Variants in MGAT5B observed in about 807,000 individuals in gnomAD.
MGAT5B encodes N-acetylglucosaminyl-transferase Vb.
MGAT5B carries 54 observed loss-of-function variants against 95.1 expected under a neutral mutation model. The ratio of observed to expected loss-of-function variants is 0.57; its 90% CI spans 0.46 to 0.71. The LOEUF (loss-of-function observed/expected upper bound fraction) is 0.71, where lower values mean the gene tolerates loss of function less well. MGAT5B is among the 30% of genes least tolerant of loss of function. MGAT5B has a pLI of 0.00. For missense variants in MGAT5B, 935 were observed against 1,088.6 expected (o/e 0.86, Z 1.99); for synonymous variants, 464 against 451.0 (o/e 1.03, Z -0.36).
rs1389785473 is a variant in MGAT5B, at chr17:76,869,096, C to A, written c.67C>A (p.Arg23=). 2 of 1,613,850 alleles carry A rather than the reference C, an allele frequency of 1.2e-6. No individual in the cohort carries two copies. Among genetic ancestry groups the A allele is most frequent in the Middle Eastern group, 1.6e-4 (1 of 6,084 alleles). ...RRCLVTLRPF[R]LFVLGIGFFT... ...ATGCCTGGTCACCCTGAGACCCTTT[C>A]GGTAAAGTTCCCTCCTGGTTGGTTT... Residue 23 remains arginine (R), a splice_region_variant and synonymous_variant, in exon 1 of 18, where the codon CGG becomes AGG. Coordinates refer to ENST00000569840, the MANE Select transcript of MGAT5B (RefSeq NM_001199172.2). The surrounding 1 kb of genome is among the most constrained non-coding windows in gnomAD (Gnocchi z 7.0).
At chr17:76,924,611 G>A (rs56958167) in intron 8 of MGAT5B, among the ~76,000 whole-genome samples, 2,487 of 152,274 alleles carry the variant, frequency 0.016, 60 homozygotes, top group African/African-American at 0.052. Context: ...GAGGACTGCC[G>A]CCAGCATCCA....
In MGAT5B at chr17:76,905,452, G is replaced by A; in HGVS notation, c.855+119G>A. ...AGTGGGCTTCTGAATTTGATCAGAG[G>A]GAGAGAGGGGTAGGGATGGCAGAGT... On this transcript the variant is annotated intron_variant, in intron 7 of 17. Coordinates refer to ENST00000569840, the MANE Select transcript of MGAT5B (RefSeq NM_001199172.2). The surrounding 1 kb of genome is among the most constrained non-coding windows in gnomAD (Gnocchi z 4.2). 1.1e-6 allele frequency: 1 copy of A among 934,676 alleles called. No homozygotes were observed. The highest frequency in any genetic ancestry group is 1.5e-6 in the Non-Finnish European group (1 of 650,544). The allele number at this position is 934,676 out of a possible 1,614,324, so 57.9% of individuals were successfully genotyped here.
In MGAT5B at chr17:76,937,929, A is replaced by G. The variant is rs1345811300; in HGVS notation, c.1429-59A>G. ...CTTCCAGACCAAAGGGATCTCCTCC[A>G]TGGACTTTGCCTTCTGTGGTTTGCA... On this transcript the variant is annotated intron_variant, in intron 12 of 17. Transcript: ENST00000569840. 5.6e-6 allele frequency: 9 copies of G among 1,594,782 alleles called. No individual in the cohort carries two copies. In the East Asian group the frequency reaches 1.6e-4, roughly 28 times the overall value.
chr17:76,940,646 A>G lies in MGAT5B; in HGVS notation c.1732-86A>G. 6 of 1,588,952 alleles carry G rather than the reference A, an allele frequency of 3.8e-6. No individual in the cohort carries two copies. Among genetic ancestry groups the G allele is most frequent in the Non-Finnish European group, 5.2e-6 (6 of 1,163,866 alleles). On this transcript the variant is annotated intron_variant, in intron 14 of 17. Transcript: ENST00000569840. The surrounding 1 kb of genome is among the most constrained non-coding windows in gnomAD (Gnocchi z 4.3). The stretch of plus-strand genomic sequence containing the variant: ...AGACTGAGATGTGGGGCAAAAGGAG[A>G]TAGGACAAGTGTATGGGGTACCTTT...
At chr17:76,947,461 G>C (rs1226267898) in intron 16 of MGAT5B, among the ~76,000 whole-genome samples, 1 of 152,104 alleles carries the variant, frequency 6.6e-6, no homozygotes, top group Admixed American at 6.5e-5. Context: ...CAGCCAGCCT[G>C]GGGCCCTGTC....
Position 76,889,625 on chromosome 17 carries a change from G to A in MGAT5B, c.329+7327G>A, listed in dbSNP as rs551329634. Among the ~76,000 whole-genome samples, 32 of 152,350 alleles carry A rather than the reference G, an allele frequency of 2.1e-4. No individual in the cohort carries two copies. Among genetic ancestry groups the A allele is most frequent in the African/African-American group, 7.0e-4 (29 of 41,594 alleles). ...AGACTTTGCTGCAGAGCTGGCTGAA[G>A]TAATAATTATTAATCATCATAATAA... is the stretch of plus-strand genomic sequence containing the variant. On this transcript the variant is annotated intron_variant, in intron 3 of 17. Coordinates refer to ENST00000569840, the MANE Select transcript of MGAT5B (RefSeq NM_001199172.2). This position sits in a 1 kb window ranked among gnomAD's most constrained non-coding sequence, Gnocchi z 4.4.
In MGAT5B at chr17:76,918,484, G is replaced by A. The variant is rs1054105410; in HGVS notation, c.1026-6482G>A. Among the ~76,000 whole-genome samples, 16 of 152,238 alleles carry A rather than the reference G, an allele frequency of 1.1e-4. No individual in the cohort carries two copies. The highest frequency in any genetic ancestry group is 3.6e-4 in the African/African-American group (15 of 41,454). ...GGCTGCTTCTGTTGGGTACAGGGAG[G>A]TCAGTCCATCCTGGGCAGGAAGAAA... is the stretch of plus-strand genomic sequence containing the variant. On this transcript the variant is annotated intron_variant, in intron 8 of 17. Coordinates refer to ENST00000569840, the MANE Select transcript of MGAT5B (RefSeq NM_001199172.2). The surrounding 1 kb of genome is among the most constrained non-coding windows in gnomAD (Gnocchi z 5.1).
Position 76,870,291 on chromosome 17 carries a change from G to A in MGAT5B, c.68+1194G>A, listed in dbSNP as rs934887601. Among the ~76,000 whole-genome samples the A allele has an allele frequency of 7.9e-5, 12 of 152,284 alleles. No homozygotes were observed. The highest frequency in any genetic ancestry group is 2.9e-4 in the African/African-American group (12 of 41,578). On this transcript the variant is annotated intron_variant, in intron 1 of 17. Coordinates refer to ENST00000569840, the MANE Select transcript of MGAT5B (RefSeq NM_001199172.2). The surrounding 1 kb of genome is among the most constrained non-coding windows in gnomAD (Gnocchi z 5.0). ...AACCCCAGGGGACGGCAGGGGTCAGGCTGGACCTCTGCGGTCCGGGGGTCC... is the reference window on the plus strand; with the variant it reads ...AACCCCAGGGGACGGCAGGGGTCAGACTGGACCTCTGCGGTCCGGGGGTCC...
At chr17:76,885,516 T>C (rs1465240097) in intron 3 of MGAT5B, among the ~76,000 whole-genome samples, 4 of 152,162 alleles carry the variant, frequency 2.6e-5, no homozygotes, top group Non-Finnish European at 1.5e-5. Context: ...ATCCAGTGTT[T>C]CTCTGATTTT....
chr17:76,938,155 T>TC lies in MGAT5B; in HGVS notation c.1584+17dup. The TC allele has an allele frequency of 6.2e-7, 1 of 1,612,544 alleles. No individual in the cohort carries two copies. Among genetic ancestry groups the TC allele is most frequent in the African/African-American group, 1.3e-5 (1 of 74,988 alleles). On this transcript the variant is annotated intron_variant, in intron 13 of 17. Coordinates refer to ENST00000569840, the MANE Select transcript of MGAT5B (RefSeq NM_001199172.2). The surrounding 1 kb of genome is among the most constrained non-coding windows in gnomAD (Gnocchi z 4.3). ...TGCGCAAGGCCAAAGTGAGCTCCCA[T>TC]CCCCCGCACCATTCTCACACTTGCC...
At chr17:76,898,326 C>CTTT (rs1356116019) in intron 3 of MGAT5B, among the ~76,000 whole-genome samples, 7 of 130,344 alleles carry the variant, frequency 5.4e-5, no homozygotes, top group South Asian at 2.4e-4. Flanking sequence ...AGTACATAAT[C>CTTT]TTTTTATTTT....
intron 3 of MGAT5B, among the ~76,000 whole-genome samples, chr17:76,900,291 C>CTT (rs1355432010): frequency 6.6e-6 from 1 of 152,236 alleles, no homozygotes; most frequent in Non-Finnish European, 1.5e-5. Flanking sequence ...TCTTCTCTTT[C>CTT]TTTGTAATCT....
chr17:76,934,923 A>C (rs1969603907), intron 12 of MGAT5B, among the ~76,000 whole-genome samples: 1 of 152,150 alleles, frequency 6.6e-6, no homozygotes, highest in Non-Finnish European at 1.5e-5. Context: ...CGAGAAGCAG[A>C]GGAGGAAGGA....
chr17:76,872,698 T>C (rs1352255255), intron 1 of MGAT5B, 153 bp from the exon 2 acceptor site: 1 of 1,541,284 alleles, frequency 6.5e-7, no homozygotes, highest in African/African-American at 1.4e-5. Context: ...GGGGCCCTCC[T>C]GGGTCTGGAG....
Position 76,905,542 on chromosome 17 carries a change from C to T in MGAT5B, c.855+209C>T, listed in dbSNP as rs1452532567. Among the ~76,000 whole-genome samples, 1 of 152,142 alleles carries T rather than the reference C, an allele frequency of 6.6e-6. No homozygotes were observed. Among genetic ancestry groups the T allele is most frequent in the Non-Finnish European group, 1.5e-5 (1 of 68,018 alleles). ...AAGGTTGGGACCAAATGACAAGCCC[C>T]CAAGAGGTCCTGCATTCTGTGTACA... On this transcript the variant is annotated intron_variant, in intron 7 of 17. Coordinates refer to ENST00000569840, the MANE Select transcript of MGAT5B (RefSeq NM_001199172.2). The surrounding 1 kb of genome is among the most constrained non-coding windows in gnomAD (Gnocchi z 4.2).
At chr17:76,892,818 A>G (rs894792725) in intron 3 of MGAT5B, among the ~76,000 whole-genome samples, 2 of 152,176 alleles carry the variant, frequency 1.3e-5, no homozygotes, top group African/African-American at 4.8e-5. Context: ...TCTCAGAGAC[A>G]TGACTGACCA....
Position 76,950,334 on chromosome 17 carries a change from TA to T in MGAT5B, c.*1499del, listed in dbSNP as rs1294568148. 4.1e-5 allele frequency: 6 copies of T among 146,930 alleles called. No homozygotes were observed. The allele number at this position is 146,930 out of a possible 1,614,324, so 9.1% of individuals were successfully genotyped here. ...AGACACTCTTTTTCTCTCTTTTTTT[TA>T]AAGATTTATTTCTTGAAATAATAAA... On this transcript the variant is annotated 3_prime_UTR_variant, in exon 18 of 18. Transcript: ENST00000569840.
Position 76,889,408 on chromosome 17 carries a change from G to A in MGAT5B, c.329+7110G>A, listed in dbSNP as rs1967787050. ...TCAGGGAACACACCTGATAACCTGG[G>A]AAGTCACTGTCCCCTCTCCCCATCC... On this transcript the variant is annotated intron_variant, in intron 3 of 17. Transcript: ENST00000569840. This position sits in a 1 kb window ranked among gnomAD's most constrained non-coding sequence, Gnocchi z 4.4. Among the ~76,000 whole-genome samples, 1 of 152,114 alleles carries A rather than the reference G, an allele frequency of 6.6e-6. No individual in the cohort carries two copies. Among genetic ancestry groups the A allele is most frequent in the African/African-American group, 2.4e-5 (1 of 41,408 alleles).
Position 76,948,023 on chromosome 17 carries a change from A to G in MGAT5B, c.2117A>G (p.Asp706Gly), listed in dbSNP as rs773430725. 6.2e-7 allele frequency: 1 copy of G among 1,613,208 alleles called. No individual in the cohort carries two copies. The highest frequency in any genetic ancestry group is 1.1e-5 in the South Asian group (1 of 90,898). ...PGRACTDTCL[D>G]HGLICEPSFF... is the part of the protein sequence containing the mutation. ...AGGGCCTGCACCGACACCTGCCTGG[A>G]CCACGGGCTAATCTGTGAGCCCTCC... Residue 706 changes from aspartate to glycine, a missense_variant, in exon 17 of 18, where the codon GAC becomes GGC. Asp to Gly is a moderately conservative substitution (Grantham distance 94, BLOSUM62 -1). This residue lies in a region of MGAT5B where 440 missense variants were observed against 523.6 expected (regional missense o/e 0.84). Coordinates refer to ENST00000569840, the MANE Select transcript of MGAT5B (RefSeq NM_001199172.2).
Sources: allele counts gnomAD v4.1 joint callset (sites outside exome capture counted in the v4.1 genomes callset), GRCh38; gene constraint gnomAD v4.1.1; regional missense constraint gnomAD v4.1.1; non-coding constraint Gnocchi (gnomAD v3.1); transcripts MANE v1.5; gene names NCBI Gene and HGNC (gene_info 2026-07-23, HGNC 2026-07-21).